Variants in ANKS3 observed in about 807,000 individuals in gnomAD.
ANKS3 encodes the protein ankyrin repeat and sterile alpha motif domain containing 3.
In ANKS3, 62 loss-of-function variants were observed where a neutral mutation model predicts 80.7. That is an observed-to-expected ratio of 0.77 (90% CI 0.63 to 0.95). The LOEUF (loss-of-function observed/expected upper bound fraction) is 0.95. ANKS3 is among the 40% of genes least tolerant of loss of function. ANKS3 has a pLI of 0.00. For synonymous variants in ANKS3, 489 were observed against 355.3 expected, an observed-to-expected ratio of 1.38 and a Z score of -4.23; for missense variants, 1,150 against 883.6, an observed-to-expected ratio of 1.30 and a Z score of -3.82.
chr16:4,704,996 C>T (rs113125008), intron 8 of ANKS3, 99 bp downstream of exon 8: 39 of 1,493,020 alleles, frequency 2.6e-5, no homozygotes, highest in East Asian at 1.4e-4. Flanking sequence ...TGAGGTCCAG[C>T]GACCCACATT....
At chr16:4,725,274 T>C (rs1169843125) in intron 5 of ANKS3, among the ~76,000 whole-genome samples, 1 of 152,218 alleles carries the variant, frequency 6.6e-6, no homozygotes, top group Non-Finnish European at 1.5e-5. Flanking sequence ...CACGCTTAGC[T>C]CCTGAAGCTT....
chr16:4,707,255 C>T (rs544453507), intron 7 of ANKS3, among the ~76,000 whole-genome samples: 2 of 150,424 alleles, frequency 1.3e-5, no homozygotes, highest in Admixed American at 6.6e-5. Flanking sequence ...CAGGGCAAAA[C>T]ACATTAAATA....
At chr16:4,726,924 C>T (rs1023241005) in intron 4 of ANKS3, 55 bp downstream of exon 4, 1 of 1,610,276 alleles carries the variant, frequency 6.2e-7, no homozygotes, top group African/African-American at 1.3e-5. Context: ...GCATCTCTGT[C>T]AGGGTGGCCA....
Position 4,697,336 on chromosome 16 carries a change from T to G in ANKS3, c.1891A>C (p.Met631Leu), listed in dbSNP as rs141320697. ...CGTCTGGTCCCCGGAGACTCACCCA[T>G]CTCACGGACACGGTCCTCCAGGGCT... The part of the protein sequence containing the change: ...SGALEDRVRE[M>L]GQALCLVTQS... The change falls in exon 16 of 18, where the codon ATG becomes CTG. Residue 631 changes from methionine (M) to leucine (L), a missense_variant. Physicochemically the swap from Met to Leu is conservative, Grantham distance 15. Transcript: ENST00000304283. The G allele has an allele frequency of 7.5e-6, 12 of 1,603,040 alleles. No homozygotes were observed. Among genetic ancestry groups the G allele is most frequent in the Non-Finnish European group, 1.0e-5 (12 of 1,173,724 alleles).
chr16:4,728,297 A>G (rs1004546425), intron 3 of ANKS3, among the ~76,000 whole-genome samples: 2 of 152,050 alleles, frequency 1.3e-5, no homozygotes, highest in African/African-American at 2.4e-5. Flanking sequence ...CACCCGCCTT[A>G]GCCTCCCAAA....
intron 6 of ANKS3, among the ~76,000 whole-genome samples, chr16:4,721,001 TAAAAA>T (rs1403888785): frequency 1.5e-5 from 1 of 68,512 alleles, no homozygotes. Flanking sequence ...CATGCCACCA[TAAAAA>T]AAAAAAAAAA....
At chr16:4,706,528 C>A (rs1018249153) in intron 7 of ANKS3, among the ~76,000 whole-genome samples, 1 of 152,184 alleles carries the variant, frequency 6.6e-6, no homozygotes, top group Non-Finnish European at 1.5e-5. Context: ...TGAGCCACAG[C>A]GCCCAGCCAC....
intron 9 of ANKS3, 175 bp downstream of exon 9, chr16:4,701,927 G>A (rs1048951698): frequency 1.1e-5 from 9 of 793,392 alleles, no homozygotes; most frequent in Non-Finnish European, 1.7e-5. Context: ...GGGGATGCTG[G>A]ACCAGAAGCT....
intron 6 of ANKS3, among the ~76,000 whole-genome samples, chr16:4,716,787 G>A (rs1227694699): frequency 3.3e-5 from 5 of 151,960 alleles, no homozygotes; most frequent in South Asian, 2.1e-4. Context: ...GTGGTGGTGC[G>A]TGCCTGTATC....
At chr16:4,698,301 G>A in intron 14 of ANKS3, 126 bp downstream of exon 14, 1 of 1,316,810 alleles carries the variant, frequency 7.6e-7, no homozygotes, top group Non-Finnish European at 1.0e-6. Flanking sequence ...AAATGGGGGT[G>A]GGGTGGCTCC....
chr16:4,701,084 G>A lies in ANKS3; in HGVS notation c.1170C>T (p.Tyr390=). 1 of 1,614,074 alleles carries A rather than the reference G, an allele frequency of 6.2e-7. No homozygotes were observed. Among genetic ancestry groups the A allele is most frequent in the Non-Finnish European group, 8.5e-7 (1 of 1,180,038 alleles). Residue 390 remains tyrosine, a synonymous_variant, in exon 11 of 18, where the codon TAC becomes TAT. Transcript: ENST00000304283. Reference sequence around the variant, plus strand: ...GGCTGTCAGGATTCTTGGTCTTCATGTAACTTTTAGCTTGTTTGCGAGCTG... The same window carrying A: ...GGCTGTCAGGATTCTTGGTCTTCATATAACTTTTAGCTTGTTTGCGAGCTG... ...KSSARKQAKS[Y]MKTKNPDSQW... is the part of the protein sequence containing the mutation.
chr16:4,707,975 C>T (rs1226697541), intron 7 of ANKS3, among the ~76,000 whole-genome samples: 3 of 151,966 alleles, frequency 2.0e-5, no homozygotes, highest in Non-Finnish European at 2.9e-5. Context: ...ATGAGCCAGG[C>T]GTGGTGGCAG....
intron 6 of ANKS3, among the ~76,000 whole-genome samples, chr16:4,721,876 T>A (rs1263769001): frequency 1.3e-5 from 2 of 151,246 alleles, no homozygotes; most frequent in African/African-American, 4.8e-5. Context: ...CCTCAAGTGA[T>A]CTGTCTGCCT....
In ANKS3 at chr16:4,727,174, T is replaced by C. The variant is rs1299624784; in HGVS notation, c.174A>G (p.Arg58=). The part of the protein sequence containing the change: ...YEVVKECVQR[R]ELDLNKKNGG... ...CATTCTTCTTATTCAAATCTAACTC[T>C]CTCCTAAACAAACGCAAGATATGCT... The change falls in exon 4 of 18, where the codon AGA becomes AGG. Residue 58 remains arginine (R), a synonymous_variant. Transcript: ENST00000304283. 2 of 1,613,708 alleles carry C rather than the reference T, an allele frequency of 1.2e-6. No individual in the cohort carries two copies. The highest frequency in any genetic ancestry group is 1.7e-5 in the Admixed American group (1 of 59,994).
At chr16:4,700,810 G>C in intron 11 of ANKS3, 160 bp downstream of exon 11, 1 of 965,936 alleles carries the variant, frequency 1.0e-6, no homozygotes, top group Non-Finnish European at 1.7e-6. Flanking sequence ...GCCAGCCATG[G>C]AGCCGGCTGT....
In ANKS3 at chr16:4,726,743, C is replaced by T. The variant is rs768822402; in HGVS notation, c.407G>A (p.Trp136Ter). Residue 136 changes from tryptophan (W) to a stop codon, truncating the protein, a stop_gained, in exon 5 of 18, where the codon TGG becomes TAG. Transcript: ENST00000304283. LOFTEE classifies it high-confidence loss of function. ...AELEMKDIQG[W>*]TALFHCTSAG... ...GCTGGTACAGTGGAAGAGGGCTGTC[C>T]AGCCCTGGATGTCTTTCATTTCTAG... is the stretch of plus-strand genomic sequence containing the variant. 1 of 1,614,160 alleles carries T rather than the reference C, an allele frequency of 6.2e-7. No homozygotes were observed. The highest frequency in any genetic ancestry group is 1.7e-5 in the Admixed American group (1 of 60,032).
At chr16:4,721,951 C>T (rs2081123603) in intron 6 of ANKS3, among the ~76,000 whole-genome samples, 1 of 151,136 alleles carries the variant, frequency 6.6e-6, no homozygotes, top group Non-Finnish European at 1.5e-5. Context: ...TCTTTATACA[C>T]CAATATAGAA....
intron 1 of ANKS3, among the ~76,000 whole-genome samples, chr16:4,733,516 C>A (rs566127748): frequency 3.0e-4 from 45 of 152,112 alleles, no homozygotes; most frequent in Admixed American, 5.9e-4. Flanking sequence ...GGTCTCAAAT[C>A]CTTGACTTCA....
intron 7 of ANKS3, among the ~76,000 whole-genome samples, chr16:4,713,715 T>C (rs1461030894): frequency 6.6e-6 from 1 of 152,228 alleles, no homozygotes; most frequent in Admixed American, 6.5e-5. Context: ...GACAAGTTGA[T>C]ATTCAAGTTC....
Sources: allele counts gnomAD v4.1 joint callset (sites outside exome capture counted in the v4.1 genomes callset), GRCh38; gene constraint gnomAD v4.1.1; transcripts MANE v1.5; gene names NCBI Gene and HGNC (gene_info 2026-07-23, HGNC 2026-07-21).